NDUFB6: variants seen among roughly 807,000 people sequenced by gnomAD.
NDUFB6 encodes the protein NADH:ubiquinone oxidoreductase subunit B6.
In NDUFB6, 23 loss-of-function variants were observed where a neutral mutation model predicts 17.5. That is an observed-to-expected ratio of 1.31 (90% CI 0.94 to 1.86). NDUFB6 has a LOEUF of 1.86. NDUFB6 is among the 40% of genes most tolerant of loss of function. The pLI, the probability that NDUFB6 is intolerant of heterozygous loss-of-function variation, is 0.00. For synonymous variants in NDUFB6, 60 were observed against 53.5 expected, an observed-to-expected ratio of 1.12 and a Z score of -0.53; for missense variants, 167 against 153.8, an observed-to-expected ratio of 1.09 and a Z score of -0.46.
intron 2 of NDUFB6, chr9:32,565,637 C>G (rs1280489205): frequency 6.5e-6 from 1 of 152,790 alleles, no homozygotes; most frequent in African/African-American, 2.4e-5. Flanking sequence ...CAGTGAGTAC[C>G]CCAAAGTTGT....
chr9:32,561,324 T>C (rs1283723230), intron 2 of NDUFB6, among the ~76,000 whole-genome samples: 3 of 151,792 alleles, frequency 2.0e-5, no homozygotes, highest in Non-Finnish European at 4.4e-5. Context: ...AAAAATTCAC[T>C]ATTTTCTTTT....
intron 2 of NDUFB6, chr9:32,567,237 A>C (rs1821823660): frequency 2.1e-6 from 1 of 473,790 alleles, no homozygotes; most frequent in East Asian, 6.9e-5. Context: ...GTGCTCTGCA[A>C]AACTGGCATG....
In NDUFB6 at chr9:32,573,077, A is replaced by G. The variant is rs550130889; in HGVS notation, c.-17T>C. 5.9e-5 allele frequency: 90 copies of G among 1,532,590 alleles called. 1 individual carries two copies. In the South Asian group the frequency reaches 1.1e-3, roughly 18 times the overall value. The allele number at this position is 1,532,590 out of a possible 1,614,324, so 94.9% of individuals were successfully genotyped here. On this transcript the variant is annotated 5_prime_UTR_variant, in exon 1 of 4. Coordinates refer to ENST00000379847, the MANE Select transcript of NDUFB6 (RefSeq NM_002493.5). ...CCCCGTCATGTCGCCGCTGGTACCA[A>G]CGCAAAAGGACACGGCGCACCCTCG...
At chr9:32,570,280 C>G (rs1013124412) in intron 2 of NDUFB6, among the ~76,000 whole-genome samples, 4 of 152,184 alleles carry the variant, frequency 2.6e-5, no homozygotes, top group Non-Finnish European at 4.4e-5. Flanking sequence ...CACTGAGGAT[C>G]TAACACCCCT....
intron 2 of NDUFB6, chr9:32,567,076 C>T (rs770822310): frequency 9.8e-5 from 48 of 489,774 alleles, no homozygotes; most frequent in Non-Finnish European, 1.9e-4. Context: ...TGCCAAACTT[C>T]CTCGGGCTGC....
chr9:32,569,240 GACGGAGTCT>G (rs1821888989), intron 2 of NDUFB6, among the ~76,000 whole-genome samples: 2 of 151,666 alleles, frequency 1.3e-5, no homozygotes, highest in African/African-American at 2.4e-5. Flanking sequence ...TCTTTTTTGA[GACGGAGTCT>G]CACTCTGTCG....
At chr9:32,566,897 G>C in intron 2 of NDUFB6, 1 of 572,468 alleles carries the variant, frequency 1.7e-6, no homozygotes, top group Non-Finnish European at 3.2e-6. Flanking sequence ...AAAGCACTGA[G>C]GAAGCACCCG....
chr9:32,564,249 T>C (rs1468613454), intron 2 of NDUFB6, among the ~76,000 whole-genome samples: 1 of 152,242 alleles, frequency 6.6e-6, no homozygotes, highest in Non-Finnish European at 1.5e-5. Context: ...CCACAAACTT[T>C]TCTTCCTTTT....
chr9:32,558,256 C>T (rs1400799479), intron 3 of NDUFB6, among the ~76,000 whole-genome samples: 9 of 151,932 alleles, frequency 5.9e-5, no homozygotes, highest in African/African-American at 2.2e-4. Context: ...GGACTACAGG[C>T]GCCCGCCACC....
intron 3 of NDUFB6, among the ~76,000 whole-genome samples, chr9:32,554,377 A>C (rs2118995117): frequency 1.3e-5 from 2 of 152,340 alleles, no homozygotes; most frequent in South Asian, 4.1e-4. Flanking sequence ...ACAGAATACA[A>C]ACTTTGGCTA....
chr9:32,567,927 A>T (rs1263534561), intron 2 of NDUFB6: 1 of 168,818 alleles, frequency 5.9e-6, no homozygotes, highest in Admixed American at 6.5e-5. Context: ...TTCTCACTTC[A>T]TATCAAAAGC....
chr9:32,571,128 A>C (rs1821931489), intron 1 of NDUFB6, 76 bp from the exon 2 acceptor site: 1 of 942,532 alleles, frequency 1.1e-6, no homozygotes, highest in Non-Finnish European at 1.6e-6. Flanking sequence ...GGCATCAATG[A>C]TGTAACAATG....
chr9:32,573,056 G>A lies in NDUFB6; in HGVS notation c.5C>T (p.Thr2Met), dbSNP rs138358975. ...CAGTTTCTCATCCGGAGTGTACCCC[G>A]TCATGTCGCCGCTGGTACCAACGCA... MTGYTPDEKLRL... is the reference protein window; with the variant it reads MMGYTPDEKLRL... The change falls in exon 1 of 4, where the codon ACG (threonine) becomes ATG (methionine). Residue 2 changes from threonine (T) to methionine (M), a missense_variant. By Grantham distance (81) the Thr-to-Met change is moderately conservative (BLOSUM62 -1). Transcript: ENST00000379847. 3.3e-5 allele frequency: 51 copies of A among 1,562,666 alleles called. No individual in the cohort carries two copies. Among genetic ancestry groups the A allele is most frequent in the Non-Finnish European group, 4.3e-5 (50 of 1,153,832 alleles).
intron 2 of NDUFB6, chr9:32,566,706 T>C: frequency 1.2e-6 from 1 of 846,438 alleles, no homozygotes; most frequent in Non-Finnish European, 2.1e-6. Context: ...ATAGCCAGAC[T>C]TATTCCAAAA....
chr9:32,559,039 C>A, intron 2 of NDUFB6, 85 bp from the exon 3 acceptor site: 1 of 903,012 alleles, frequency 1.1e-6, no homozygotes, highest in African/African-American at 1.7e-5. Flanking sequence ...CAAATTTTAA[C>A]TTAAGCTCCA....
At chr9:32,557,641 G>A (rs538871080) in intron 3 of NDUFB6, among the ~76,000 whole-genome samples, 3 of 149,454 alleles carry the variant, frequency 2.0e-5, no homozygotes, top group East Asian at 2.0e-4. Context: ...CACCACGCAC[G>A]GTAATTTTTG....
At chr9:32,556,178 A>G (rs893672619) in intron 3 of NDUFB6, among the ~76,000 whole-genome samples, 1 of 152,230 alleles carries the variant, frequency 6.6e-6, no homozygotes, top group African/African-American at 2.4e-5. Context: ...AGAAGCCAAG[A>G]GCTGTTTGGT....
chr9:32,565,799 C>A (rs1368496958), intron 2 of NDUFB6, among the ~76,000 whole-genome samples: 4 of 152,146 alleles, frequency 2.6e-5, no homozygotes, highest in Non-Finnish European at 5.9e-5. Context: ...TGGCGAAACC[C>A]TGTCTCTACT....
chr9:32,570,524 T>C (rs1415817231), intron 2 of NDUFB6, among the ~76,000 whole-genome samples: 1 of 152,140 alleles, frequency 6.6e-6, no homozygotes, highest in Admixed American at 6.6e-5. Flanking sequence ...ACATCCTGAG[T>C]TCTAAATAAA....
Sources: gnomAD v4.1 joint callset for allele counts (sites outside exome capture counted in the v4.1 genomes callset) on GRCh38, gnomAD v4.1.1 for gene constraint, MANE v1.5 for transcripts, NCBI Gene and HGNC (gene_info 2026-07-23, HGNC 2026-07-21) for gene names.